The following HCN1 variants were observed in gnomAD, a reference collection of about 807,000 sequenced individuals.
The protein encoded by HCN1 is potassium/sodium hyperpolarization-activated cyclic nucleotide-gated channel 1.
A neutral mutation model predicts 78.9 loss-of-function variants in HCN1; 13 were observed. The observed-to-expected ratio is 0.16, with a 90% CI of 0.11 to 0.26. The LOEUF (loss-of-function observed/expected upper bound fraction) is 0.26. Among genes scored for constraint, HCN1 ranks in the 10% least tolerant of loss-of-function variants. The pLI is 1.00. For missense variants in HCN1, 810 were observed against 1,154.3 expected (o/e 0.70, Z 4.32); for synonymous variants, 552 against 455.5 (o/e 1.21, Z -2.70).
At chr5:45,361,849 T>C (rs1313168931) in intron 4 of HCN1, among the ~76,000 whole-genome samples, 3 of 152,124 alleles carry the variant, frequency 2.0e-5, no homozygotes, top group Admixed American at 1.3e-4. Context: ...TTTAACATTG[T>C]TTAAGATTTA....
chr5:45,658,715 C>T (rs1204012062), intron 1 of HCN1, among the ~76,000 whole-genome samples: 1 of 151,820 alleles, frequency 6.6e-6, no homozygotes, highest in Non-Finnish European at 1.5e-5. Context: ...AAAATCGGGT[C>T]ACTCCCACCC....
intron 2 of HCN1, among the ~76,000 whole-genome samples, chr5:45,619,803 G>C (rs1340926452): frequency 6.6e-6 from 1 of 151,958 alleles, no homozygotes; most frequent in Non-Finnish European, 1.5e-5. Context: ...GTGGTGATTT[G>C]AACTCAGGCC....
rs375663466 is a variant in HCN1 at position 45,561,371 on chromosome 5, AAT to A, written c.849+83812_849+83813del. ...TTTCCAATTCATCTTAAACAAATGC[AAT>A]CAATTTAGAGTACTTCTAATACCAA... On this transcript the variant is annotated intron_variant, in intron 2 of 7. Coordinates refer to ENST00000303230, the MANE Select transcript of HCN1 (RefSeq NM_021072.4). Among the ~76,000 whole-genome samples the A allele has an allele frequency of 3.1e-4, 47 of 152,190 alleles. 1 individual carries two copies. In the East Asian group the frequency reaches 7.0e-3, roughly 23 times the overall value.
At chr5:45,579,053 C>A (rs2111916472) in intron 2 of HCN1, among the ~76,000 whole-genome samples, 1 of 151,896 alleles carries the variant, frequency 6.6e-6, no homozygotes, top group Non-Finnish European at 1.5e-5. Flanking sequence ...GTTTTTAAAC[C>A]AAACTTTATT....
At chr5:45,639,567 TA>T (rs1178496748) in intron 2 of HCN1, among the ~76,000 whole-genome samples, 3 of 152,170 alleles carry the variant, frequency 2.0e-5, no homozygotes, top group Non-Finnish European at 4.4e-5. Flanking sequence ...CATACCATCA[TA>T]AAAATTGAAA....
chr5:45,524,428 T>C (rs1037352300), intron 2 of HCN1, among the ~76,000 whole-genome samples: 1 of 152,184 alleles, frequency 6.6e-6, no homozygotes, highest in Non-Finnish European at 1.5e-5. Context: ...GGGGATGGCA[T>C]TGAATCTGTA....
At chr5:45,695,275 G>C (rs941584258) in intron 1 of HCN1, 1 of 240,300 alleles carries the variant, frequency 4.2e-6, no homozygotes, top group African/African-American at 2.3e-5. Context: ...TCCTGGTTGA[G>C]ACCACACTTG....
chr5:45,593,660 A>AT (rs1229039756), intron 2 of HCN1, among the ~76,000 whole-genome samples: 2 of 149,440 alleles, frequency 1.3e-5, no homozygotes, highest in African/African-American at 4.9e-5. Flanking sequence ...TATTATTATT[A>AT]TTATTATTGA....
At chr5:45,535,610 G>C (rs985961978) in intron 2 of HCN1, among the ~76,000 whole-genome samples, 1 of 151,564 alleles carries the variant, frequency 6.6e-6, no homozygotes, top group African/African-American at 2.4e-5. Flanking sequence ...AAAAAACACA[G>C]AATGAAAGGA....
chr5:45,388,102 C>T (rs796938624), intron 4 of HCN1, among the ~76,000 whole-genome samples: 2 of 152,052 alleles, frequency 1.3e-5, no homozygotes, highest in South Asian at 2.1e-4. Context: ...GATTTTAGGC[C>T]TTACAGCTAC....
chr5:45,456,062 A>T (rs1286479421), intron 3 of HCN1, among the ~76,000 whole-genome samples: 1 of 151,954 alleles, frequency 6.6e-6, no homozygotes, highest in Non-Finnish European at 1.5e-5. Flanking sequence ...GACATTTTTT[A>T]TATCAGTTTT....
At chr5:45,529,227 A>G (rs1742793549) in intron 2 of HCN1, among the ~76,000 whole-genome samples, 1 of 151,348 alleles carries the variant, frequency 6.6e-6, no homozygotes, top group Admixed American at 6.6e-5. Flanking sequence ...TTTACTACAC[A>G]CTAACTAAAA....
intron 6 of HCN1, among the ~76,000 whole-genome samples, chr5:45,290,802 T>C (rs1261714627): frequency 6.6e-6 from 1 of 151,834 alleles, no homozygotes; most frequent in East Asian, 1.9e-4. Context: ...TTTCCATATA[T>C]CTTTTATATA....
intron 6 of HCN1, among the ~76,000 whole-genome samples, chr5:45,299,654 C>A (rs1412169992): frequency 6.6e-6 from 1 of 151,802 alleles, no homozygotes; most frequent in Non-Finnish European, 1.5e-5. Context: ...AAATAGAAAA[C>A]CTGAGTATTT....
At chr5:45,294,004 C>T (rs1024844876) in intron 6 of HCN1, among the ~76,000 whole-genome samples, 14 of 151,918 alleles carry the variant, frequency 9.2e-5, no homozygotes, top group African/African-American at 3.4e-4. Flanking sequence ...TCGTTCTTTC[C>T]TACGGCTGCC....
chr5:45,344,391 T>C (rs1746653493), intron 5 of HCN1, among the ~76,000 whole-genome samples: 1 of 152,036 alleles, frequency 6.6e-6, no homozygotes, highest in Non-Finnish European at 1.5e-5. Context: ...TCCAAACCAA[T>C]AATTCCTTCC....
chr5:45,301,441 A>T (rs1745618959), intron 6 of HCN1, among the ~76,000 whole-genome samples: 1 of 151,834 alleles, frequency 6.6e-6, no homozygotes, highest in Non-Finnish European at 1.5e-5. Context: ...AATTCCAGTC[A>T]GGTGCGGTGG....
chr5:45,373,159 A>G (rs1747463991), intron 4 of HCN1, among the ~76,000 whole-genome samples: 1 of 126,052 alleles, frequency 7.9e-6, no homozygotes, highest in Non-Finnish European at 1.6e-5. Context: ...ATATAAAAAT[A>G]TATGTACTTT....
chr5:45,261,820 T>C lies in HCN1; in HGVS notation c.*101A>G, dbSNP rs933616742. ...CACAGCTGTCTAAAATATCTCTTCA[T>C]AGTAGGCTAGAGGGATCTATCAGGA... On this transcript the variant is annotated 3_prime_UTR_variant, in exon 8 of 8. Coordinates refer to ENST00000303230, the MANE Select transcript of HCN1 (RefSeq NM_021072.4). 30 of 1,440,892 alleles carry C rather than the reference T, an allele frequency of 2.1e-5. No homozygotes were observed. In the African/African-American group the frequency reaches 3.5e-4, roughly 17 times the overall value. 89.3% of individuals were successfully genotyped at this position (1,440,892 alleles called of 1,614,324 possible). A position where few individuals can be genotyped will look rare whatever the true frequency, so the allele number is the denominator to read the frequency against.
Sources: gnomAD v4.1 joint callset for allele counts (sites outside exome capture counted in the v4.1 genomes callset) on GRCh38, gnomAD v4.1.1 for gene constraint, MANE v1.5 for transcripts, NCBI Gene and HGNC (gene_info 2026-07-23, HGNC 2026-07-21) for gene names.